The following PLD5 variants were observed in gnomAD, a reference collection of about 807,000 sequenced individuals.
PLD5 encodes the protein inactive phospholipase D5.
A neutral mutation model predicts 61.1 loss-of-function variants in PLD5; 36 were observed. The observed-to-expected ratio is 0.59, with a 90% CI of 0.45 to 0.78. The LOEUF (loss-of-function observed/expected upper bound fraction) is 0.78, where lower values mean the gene tolerates loss of function less well. Among genes scored for constraint, PLD5 ranks in the 30% least tolerant of loss-of-function variants. The probability of loss-of-function intolerance (pLI) is 0.00; values close to 1 mark genes in which losing one functional copy is unlikely to be tolerated. For missense variants in PLD5, 515 were observed against 644.4 expected, an observed-to-expected ratio of 0.80 and a Z score of 2.17; for synonymous variants, 243 against 242.8, an observed-to-expected ratio of 1.00 and a Z score of -0.01.
At chr1:242,332,117 ATGAG>A (rs1659221469) in intron 2 of PLD5, among the ~76,000 whole-genome samples, 1 of 151,578 alleles carries the variant, frequency 6.6e-6, no homozygotes, top group African/African-American at 2.4e-5. Context: ...ACTCCCACTT[ATGAG>A]TGAGAACATG....
intron 2 of PLD5, among the ~76,000 whole-genome samples, chr1:242,316,178 C>T (rs1337426048): frequency 1.3e-5 from 2 of 152,170 alleles, no homozygotes; most frequent in African/African-American, 2.4e-5. Context: ...GTAATAAATG[C>T]CAGTTGTCAT....
chr1:242,499,361 T>C (rs1403626724), intron 1 of PLD5, among the ~76,000 whole-genome samples: 1 of 152,170 alleles, frequency 6.6e-6, no homozygotes, highest in Non-Finnish European at 1.5e-5. Flanking sequence ...GCTAAGTAGA[T>C]TTACTGTTAT....
chr1:242,265,618 C>G (rs1435199487), intron 3 of PLD5, among the ~76,000 whole-genome samples, 170 bp from the exon 4 acceptor site: 1 of 152,098 alleles, frequency 6.6e-6, no homozygotes, highest in Non-Finnish European at 1.5e-5. Flanking sequence ...GAGTTTATAT[C>G]AATAGAGTAG....
At chr1:242,118,391 A>G (rs967715605) in intron 6 of PLD5, among the ~76,000 whole-genome samples, 7 of 152,222 alleles carry the variant, frequency 4.6e-5, no homozygotes, top group Non-Finnish European at 8.8e-5. Context: ...GGGGACATAC[A>G]TCAGTGACCA....
intron 6 of PLD5, among the ~76,000 whole-genome samples, chr1:242,120,772 C>G (rs1662301699): frequency 6.6e-6 from 1 of 152,124 alleles, no homozygotes; most frequent in Non-Finnish European, 1.5e-5. Flanking sequence ...AAAAAGAAAC[C>G]TACAAGACAG....
chr1:242,266,030 T>C (rs1035752583), intron 3 of PLD5, among the ~76,000 whole-genome samples: 10 of 152,226 alleles, frequency 6.6e-5, no homozygotes, highest in Non-Finnish European at 1.5e-4. Flanking sequence ...TTTTAATGAA[T>C]TCAACTAATG....
chr1:242,257,423 C>G (rs920878585), intron 4 of PLD5, among the ~76,000 whole-genome samples: 4 of 152,116 alleles, frequency 2.6e-5, no homozygotes, highest in African/African-American at 9.7e-5. Flanking sequence ...GTGTTAACAC[C>G]CCAAGCCCAC....
chr1:242,173,768 G>A (rs1260440414), intron 5 of PLD5, among the ~76,000 whole-genome samples: 1 of 152,036 alleles, frequency 6.6e-6, no homozygotes, highest in East Asian at 1.9e-4. Context: ...TCTGATCTTT[G>A]ACAAACCTGA....
At chr1:242,470,511 G>A (rs1193829953) in intron 1 of PLD5, among the ~76,000 whole-genome samples, 1 of 152,032 alleles carries the variant, frequency 6.6e-6, no homozygotes, top group African/African-American at 2.4e-5. Context: ...CTAAGCCTTC[G>A]TAGAACAAGA....
chr1:242,446,234 T>G (rs922079677), intron 1 of PLD5, among the ~76,000 whole-genome samples: 3 of 150,628 alleles, frequency 2.0e-5, no homozygotes, highest in Non-Finnish European at 3.0e-5. Flanking sequence ...CAATACAAAT[T>G]AATAAAATAA....
At chr1:242,522,211 A>G (rs1669302312) in intron 1 of PLD5, among the ~76,000 whole-genome samples, 1 of 152,194 alleles carries the variant, frequency 6.6e-6, no homozygotes, top group Non-Finnish European at 1.5e-5. Context: ...TCAAATGAGG[A>G]GAATGATTTT....
chr1:242,519,044 C>T (rs776065122), intron 1 of PLD5, among the ~76,000 whole-genome samples: 1 of 152,186 alleles, frequency 6.6e-6, no homozygotes, highest in Non-Finnish European at 1.5e-5. Context: ...TCTAAAACCG[C>T]AGGAAATGAT....
intron 5 of PLD5, among the ~76,000 whole-genome samples, chr1:242,160,810 G>A (rs1484223552): frequency 6.6e-6 from 1 of 152,004 alleles, no homozygotes; most frequent in Non-Finnish European, 1.5e-5. Flanking sequence ...GCTTGAATCC[G>A]GGAGATGGAG....
intron 7 of PLD5, among the ~76,000 whole-genome samples, chr1:242,109,739 T>G (rs1043165375): frequency 1.3e-5 from 2 of 152,058 alleles, no homozygotes; most frequent in Non-Finnish European, 2.9e-5. Context: ...GTGGGGAAAC[T>G]GAATATTTTG....
At chr1:242,230,370 A>T (rs1254112202) in intron 4 of PLD5, among the ~76,000 whole-genome samples, 1 of 152,264 alleles carries the variant, frequency 6.6e-6, no homozygotes, top group Non-Finnish European at 1.5e-5. Context: ...AGGGAAACAT[A>T]ACACTATGAA....
intron 1 of PLD5, among the ~76,000 whole-genome samples, chr1:242,451,691 C>CTCAGGT (rs771954232): frequency 1.2e-4 from 18 of 151,988 alleles, no homozygotes; most frequent in Non-Finnish European, 2.4e-4. Flanking sequence ...AACTCCTGAG[C>CTCAGGT]TCAGGTGATC....
intron 1 of PLD5, among the ~76,000 whole-genome samples, chr1:242,430,323 G>A (rs928942587): frequency 6.6e-6 from 1 of 152,108 alleles, no homozygotes; most frequent in Admixed American, 6.5e-5. Flanking sequence ...CTTGCAAAGG[G>A]CCACCTTCTC....
At position 242,332,598 on chromosome 1, in the gene PLD5, C is replaced by T. The variant is rs114653856; in HGVS notation, c.326+15508G>A. 3.7e-3 allele frequency among the ~76,000 whole-genome samples: 565 copies of T among 152,280 alleles called. 8 individuals are homozygous for T. The highest frequency in any genetic ancestry group is 0.013 in the African/African-American group (543 of 41,550). ...CATTCTATCTGGCGTGAGATAGTGT[C>T]TCATTGCGGTTTTGATTTGCATTTC... On this transcript the variant is annotated intron_variant, in intron 2 of 9. Coordinates refer to ENST00000536534, the MANE Select transcript of PLD5 (RefSeq NM_001372062.1).
intron 2 of PLD5, among the ~76,000 whole-genome samples, chr1:242,333,455 T>C (rs1304482270): frequency 6.6e-6 from 1 of 152,168 alleles, no homozygotes; most frequent in Non-Finnish European, 1.5e-5. Context: ...GGGCAACGCC[T>C]CTGGTGGGTC....
Sources: gnomAD v4.1 joint callset for allele counts (sites outside exome capture counted in the v4.1 genomes callset) on GRCh38, gnomAD v4.1.1 for gene constraint, MANE v1.5 for transcripts, NCBI Gene and HGNC (gene_info 2026-07-23, HGNC 2026-07-21) for gene names.